Variants in SSBP2 observed in about 807,000 individuals in gnomAD.
SSBP2 encodes the protein single stranded DNA binding protein 2.
SSBP2 carries 17 observed loss-of-function variants against 61.8 expected under a neutral mutation model. The ratio of observed to expected loss-of-function variants is 0.28; its 90% confidence interval spans 0.19 to 0.41. The LOEUF is 0.41. Among genes scored for constraint, SSBP2 ranks in the 10% least tolerant of loss-of-function variants. The pLI is 1.00. For synonymous variants in SSBP2, 139 were observed against 141.3 expected (o/e 0.98, Z 0.12); for missense variants, 310 against 458.7 (o/e 0.68, Z 2.96).
chr5:81,503,836 A>T (rs1767980006), intron 5 of SSBP2, among the ~76,000 whole-genome samples: 1 of 152,188 alleles, frequency 6.6e-6, no homozygotes, highest in Non-Finnish European at 1.5e-5. Context: ...CTTTTGCAGG[A>T]ACATGGATGG....
At chr5:81,580,003 C>T (rs1474010953) in intron 4 of SSBP2, among the ~76,000 whole-genome samples, 1 of 152,016 alleles carries the variant, frequency 6.6e-6, no homozygotes, top group Non-Finnish European at 1.5e-5. Flanking sequence ...AGTTTATGTT[C>T]TATAGGTAAT....
chr5:81,435,022 T>C (rs1368852631), intron 15 of SSBP2, among the ~76,000 whole-genome samples: 1 of 151,954 alleles, frequency 6.6e-6, no homozygotes, highest in African/African-American at 2.4e-5. Context: ...CACCCAGGGG[T>C]CGGCCAGCTT....
intron 1 of SSBP2, among the ~76,000 whole-genome samples, chr5:81,735,490 A>G (rs991952458): frequency 1.3e-5 from 2 of 152,212 alleles, no homozygotes; most frequent in African/African-American, 4.8e-5. Context: ...TATACTTTAA[A>G]TCATCTCTAG....
intron 1 of SSBP2, among the ~76,000 whole-genome samples, chr5:81,690,970 A>G (rs1205003786): frequency 6.6e-6 from 1 of 152,108 alleles, no homozygotes; most frequent in Non-Finnish European, 1.5e-5. Flanking sequence ...CTAAATGACC[A>G]GTGGGGTCAG....
At chr5:81,474,439 A>T in intron 7 of SSBP2, 57 bp downstream of exon 7, 1 of 1,483,784 alleles carries the variant, frequency 6.7e-7, no homozygotes, top group Non-Finnish European at 9.4e-7. Context: ...CTTAAGAGAT[A>T]AAAGATTTCC....
At chr5:81,542,248 A>T (rs978118577) in intron 4 of SSBP2, among the ~76,000 whole-genome samples, 26 of 152,182 alleles carry the variant, frequency 1.7e-4, no homozygotes, top group African/African-American at 7.2e-5. Flanking sequence ...GGCAATTATT[A>T]AAAAAGTCAA....
intron 4 of SSBP2, among the ~76,000 whole-genome samples, chr5:81,605,338 T>C (rs959325522): frequency 1.3e-5 from 2 of 152,116 alleles, no homozygotes; most frequent in Non-Finnish European, 2.9e-5. Flanking sequence ...TTAACTTCCA[T>C]TATCAGTACA....
Position 81,448,957 on chromosome 5 carries a change from T to A in SSBP2, c.688-132A>T, listed in dbSNP as rs887189175. The A allele has an allele frequency of 1.5e-4, 99 of 672,838 alleles. 1 individual carries two copies. The African/African-American group carries it at 1.5e-3, about 10-fold the overall frequency. 41.7% of individuals were successfully genotyped at this position (672,838 alleles called of 1,614,324 possible). On this transcript the variant is annotated intron_variant, in intron 10 of 16. Coordinates refer to ENST00000320672, the MANE Select transcript of SSBP2 (RefSeq NM_012446.5). ...CAAAGTATAGTAAAGGATAAAAAAATTTGTATCTGTTTAAGTACTGGAAAA... is the reference window on the plus strand; with the variant it reads ...CAAAGTATAGTAAAGGATAAAAAAAATTGTATCTGTTTAAGTACTGGAAAA...
chr5:81,500,480 G>A (rs1414396515), intron 5 of SSBP2, among the ~76,000 whole-genome samples: 1 of 150,832 alleles, frequency 6.6e-6, no homozygotes, highest in Admixed American at 6.6e-5. Context: ...TCAAAGTGCT[G>A]GAACGGAGTC....
chr5:81,683,143 T>C (rs1296498909), intron 1 of SSBP2, among the ~76,000 whole-genome samples: 1 of 152,106 alleles, frequency 6.6e-6, no homozygotes, highest in Non-Finnish European at 1.5e-5. Context: ...AATTATTTTG[T>C]GGATATCAAA....
chr5:81,713,984 T>C (rs1195544397), intron 1 of SSBP2, among the ~76,000 whole-genome samples: 2 of 152,120 alleles, frequency 1.3e-5, no homozygotes, highest in Non-Finnish European at 2.9e-5. Flanking sequence ...GGTATGCACA[T>C]GCCGTGGTGG....
intron 3 of SSBP2, among the ~76,000 whole-genome samples, chr5:81,633,834 A>G (rs977073735): frequency 1.3e-5 from 2 of 152,084 alleles, no homozygotes; most frequent in African/African-American, 4.8e-5. Context: ...AAATCCTTCT[A>G]CTTCTCTTGC....
chr5:81,460,936 T>C, intron 10 of SSBP2, 119 bp downstream of exon 10: 1 of 477,836 alleles, frequency 2.1e-6, no homozygotes, highest in Non-Finnish European at 3.5e-6. Flanking sequence ...TTTTGAATGA[T>C]TACTTAAAAA....
intron 4 of SSBP2, among the ~76,000 whole-genome samples, chr5:81,559,314 G>A (rs538964386): frequency 1.4e-4 from 21 of 150,932 alleles, no homozygotes; most frequent in African/African-American, 4.4e-4. Flanking sequence ...TGGAACCCGG[G>A]AAGCGGAGGT....
chr5:81,482,928 G>A (rs916809631), intron 6 of SSBP2, among the ~76,000 whole-genome samples: 2 of 152,076 alleles, frequency 1.3e-5, no homozygotes, highest in East Asian at 1.9e-4. Flanking sequence ...AGCGATGTGC[G>A]ACTCTTCTTT....
intron 8 of SSBP2, among the ~76,000 whole-genome samples, chr5:81,472,893 G>A (rs75025415): frequency 0.028 from 4,242 of 152,128 alleles, 188 homozygotes; most frequent in African/African-American, 0.096. Flanking sequence ...GAGCCACTGC[G>A]CCCAGCCAAC....
chr5:81,517,078 G>A (rs764006594), intron 4 of SSBP2, among the ~76,000 whole-genome samples: 2 of 152,022 alleles, frequency 1.3e-5, no homozygotes, highest in Non-Finnish European at 2.9e-5. Context: ...ATTCCCATTG[G>A]AGTAGCATAG....
intron 5 of SSBP2, among the ~76,000 whole-genome samples, chr5:81,508,640 G>T (rs998729541): frequency 2.0e-5 from 3 of 152,070 alleles, no homozygotes; most frequent in South Asian, 2.1e-4. Flanking sequence ...TTAATTCATT[G>T]CTATTTTTCA....
rs1386999517 is a variant in SSBP2, at chr5:81,621,985, T to C, written c.198-6428A>G. On this transcript the variant is annotated intron_variant, in intron 3 of 16. Coordinates refer to ENST00000320672, the MANE Select transcript of SSBP2 (RefSeq NM_012446.5). ...GTCGGGGGAGGGGGGAGGGATAGCATTGGGAGATATACCTAAGGCTAGATG... is the reference window on the plus strand; with the variant it reads ...GTCGGGGGAGGGGGGAGGGATAGCACTGGGAGATATACCTAAGGCTAGATG... Among the ~76,000 whole-genome samples, 409 of 140,816 alleles carry C rather than the reference T, an allele frequency of 2.9e-3. 10 individuals are homozygous for C. The highest frequency in any genetic ancestry group is 0.026 in the Admixed American group (370 of 14,120). The allele number at this position is 140,816 out of a possible 152,430, so 92.4% of individuals were successfully genotyped here.
Sources: gnomAD v4.1 joint callset for allele counts (sites outside exome capture counted in the v4.1 genomes callset) on GRCh38, gnomAD v4.1.1 for gene constraint, MANE v1.5 for transcripts, NCBI Gene and HGNC (gene_info 2026-07-23, HGNC 2026-07-21) for gene names.